The following NDUFA5 variants were observed in gnomAD, a reference collection of about 807,000 sequenced individuals.
NDUFA5 encodes the protein NADH:ubiquinone oxidoreductase subunit A5, also known as NADH dehydrogenase [ubiquinone] 1 alpha subcomplex subunit 5.
Under a neutral mutation model 19.8 loss-of-function variants are expected in NDUFA5, and 11 were observed. The observed-to-expected ratio is 0.56, with a 90% CI of 0.35 to 0.92. The LOEUF is 0.92. Ranked by LOEUF, NDUFA5 falls within the 40% of genes least tolerant of loss-of-function variation. NDUFA5 has a pLI of 0.01. For missense variants in NDUFA5, 109 were observed against 134.2 expected (o/e 0.81, Z 0.93); for synonymous variants, 47 against 46.8 (o/e 1.00, Z -0.01).
Position 123,542,308 on chromosome 7 carries a change from T to C in NDUFA5, c.250-88A>G, listed in dbSNP as rs1013085372. The C allele has an allele frequency of 5.8e-6, 5 of 866,256 alleles. No individual in the cohort carries two copies. The East Asian group carries it at 8.1e-5, about 14-fold the overall frequency. 53.7% of individuals were successfully genotyped at this position (866,256 alleles called of 1,614,324 possible). On this transcript the variant is annotated intron_variant, in intron 4 of 4. Coordinates refer to ENST00000355749, the MANE Select transcript of NDUFA5 (RefSeq NM_005000.5). The stretch of plus-strand genomic sequence containing the variant: ...CAACTGAAATTTAACTATTAGTTAC[T>C]ACTTTCATTTAATATCTCATAATCT...
chr7:123,556,349 C>T (rs1211400820), intron 2 of NDUFA5: 1 of 152,524 alleles, frequency 6.6e-6, no homozygotes, highest in African/African-American at 2.4e-5. Flanking sequence ...CAGTGCTTTA[C>T]ATGGAAATCT....
the NDUFA5 span, among the ~76,000 whole-genome samples, chr7:123,566,561 AC>A: frequency 3.3e-5 from 5 of 152,202 alleles, no homozygotes; most frequent in African/African-American, 1.2e-4. Context: ...TTACCAAATT[AC>A]CATCATAATT....
chr7:123,585,333 C>A, the NDUFA5 span, among the ~76,000 whole-genome samples: 1 of 151,648 alleles, frequency 6.6e-6, no homozygotes, highest in East Asian at 1.9e-4. Context: ...GCAGAAGAGA[C>A]AACTTCCTCC....
the NDUFA5 span, among the ~76,000 whole-genome samples, chr7:123,580,106 T>C: frequency 6.6e-6 from 1 of 151,780 alleles, no homozygotes; most frequent in East Asian, 1.9e-4. Context: ...AGAAGGATGG[T>C]CTAAATTGGG....
upstream of NDUFA5, chr7:123,557,932 G>T (rs1798627733): frequency 6.9e-7 from 1 of 1,456,970 alleles, no homozygotes; most frequent in Non-Finnish European, 9.5e-7. Flanking sequence ...AAGGAGCAAA[G>T]ACTCTGCCCC....
Position 123,537,882 on chromosome 7 carries a change from T to C in NDUFA5, c.*4237A>G, listed in dbSNP as rs975996173. On this transcript the variant is annotated 3_prime_UTR_variant, in exon 5 of 5. Transcript: ENST00000355749. ...CCTAATAGATTCACCTAAAAAAAAA[T>C]TGAAGATCATGAGAAATACCAAAAT... 2 of 151,934 alleles carry C rather than the reference T, an allele frequency of 1.3e-5. No individual in the cohort carries two copies. Among genetic ancestry groups the C allele is most frequent in the African/African-American group, 4.8e-5 (2 of 41,376 alleles). The allele number at this position is 151,934 out of a possible 1,614,324, so 9.4% of individuals were successfully genotyped here.
rs1242888257 is a variant in NDUFA5, at chr7:123,541,742, T to C, written c.*377A>G. 6.5e-6 allele frequency: 1 copy of C among 153,154 alleles called. No homozygotes were observed. The highest frequency in any genetic ancestry group is 1.5e-5 in the Non-Finnish European group (1 of 68,716). 9.5% of individuals were successfully genotyped at this position (153,154 alleles called of 1,614,324 possible). A position where few individuals can be genotyped will look rare whatever the true frequency, so the allele number is the denominator to read the frequency against. The stretch of plus-strand genomic sequence containing the variant: ...TATAAATTTGTTTAGACTATAATAA[T>C]TAAGGACCTTTCCTTCTTCAGGATA... On this transcript the variant is annotated 3_prime_UTR_variant, in exon 5 of 5. Coordinates refer to ENST00000355749, the MANE Select transcript of NDUFA5 (RefSeq NM_005000.5).
At chr7:123,563,139 C>T in the NDUFA5 span, among the ~76,000 whole-genome samples, 4 of 152,086 alleles carry the variant, frequency 2.6e-5, no homozygotes, top group Non-Finnish European at 4.4e-5. Context: ...AACAGAGTAG[C>T]ACTTTTAATT....
At chr7:123,551,265 A>G (rs1402175180) in intron 2 of NDUFA5, 1 of 150,990 alleles carries the variant, frequency 6.6e-6, no homozygotes, top group African/African-American at 2.4e-5. Flanking sequence ...CTGGAGTACA[A>G]TGGCGTGAAC....
the NDUFA5 span, among the ~76,000 whole-genome samples, chr7:123,578,800 T>A: frequency 6.6e-6 from 1 of 152,160 alleles, no homozygotes; most frequent in Non-Finnish European, 1.5e-5. Flanking sequence ...TTTAAACTAT[T>A]TTATAAAGTC....
intron 1 of NDUFA5, 159 bp downstream of exon 1, chr7:123,557,616 A>AC (rs778510731): frequency 6.2e-7 from 1 of 1,613,520 alleles, no homozygotes; most frequent in Non-Finnish European, 8.5e-7. Context: ...TCGGAGCGGA[A>AC]CCACTAACCT....
At position 123,557,812 on chromosome 7, in the gene NDUFA5, C is replaced by T. The variant is rs779570430; in HGVS notation, c.-17G>A. The stretch of plus-strand genomic sequence containing the variant: ...ACCCGCCATGACAGCGCCAACGACT[C>T]GGTGACGCACAACCCTTTGGGAACA... On this transcript the variant is annotated 5_prime_UTR_variant, in exon 1 of 5. Transcript: ENST00000355749. 3 of 1,614,140 alleles carry T rather than the reference C, an allele frequency of 1.9e-6. No homozygotes were observed. The highest frequency in any genetic ancestry group is 2.5e-6 in the Non-Finnish European group (3 of 1,180,020).
the NDUFA5 span, among the ~76,000 whole-genome samples, chr7:123,575,434 C>A: frequency 6.6e-6 from 1 of 151,986 alleles, no homozygotes; most frequent in Non-Finnish European, 1.5e-5. Flanking sequence ...CCACATGAGG[C>A]AATCATACAC....
chr7:123,560,194 A>G (rs1798671398), upstream of NDUFA5, among the ~76,000 whole-genome samples: 1 of 152,188 alleles, frequency 6.6e-6, no homozygotes, highest in Non-Finnish European at 1.5e-5. Flanking sequence ...TCAACCTGAT[A>G]AAGATGCTTA....
At chr7:123,557,715 C>G in intron 1 of NDUFA5, 60 bp downstream of exon 1, 1 of 1,614,068 alleles carries the variant, frequency 6.2e-7, no homozygotes, top group Non-Finnish European at 8.5e-7. Context: ...GGAAGTAGGG[C>G]TATCGGACTG....
the NDUFA5 span, among the ~76,000 whole-genome samples, chr7:123,585,278 C>A: frequency 1.3e-5 from 2 of 151,500 alleles, no homozygotes; most frequent in East Asian, 3.9e-4. Context: ...TAAAAATAAA[C>A]TGTTTAACTG....
At chr7:123,582,799 C>A in the NDUFA5 span, among the ~76,000 whole-genome samples, 1 of 151,920 alleles carries the variant, frequency 6.6e-6, no homozygotes, top group Non-Finnish European at 1.5e-5. Context: ...GTAAGAACTG[C>A]CTTCTTTAAC....
chr7:123,557,518 A>G (rs1235558922), intron 1 of NDUFA5, 70 bp from the exon 2 acceptor site: 27 of 1,611,992 alleles, frequency 1.7e-5, no homozygotes, highest in Non-Finnish European at 2.3e-5. Context: ...CTAAGGAAAT[A>G]CAAAACCACG....
chr7:123,578,051 C>T, the NDUFA5 span, among the ~76,000 whole-genome samples: 3 of 150,936 alleles, frequency 2.0e-5, no homozygotes, highest in Non-Finnish European at 3.0e-5. Flanking sequence ...TAGCCCCCCA[C>T]CCCATGACAG....
Sources: gnomAD v4.1 joint callset for allele counts (sites outside exome capture counted in the v4.1 genomes callset) on GRCh38, gnomAD v4.1.1 for gene constraint, MANE v1.5 for transcripts, NCBI Gene and HGNC (gene_info 2026-07-23, HGNC 2026-07-21) for gene names.